CLCNKA: variants seen among roughly 807,000 people sequenced by gnomAD.
CLCNKA encodes the protein chloride voltage-gated channel Ka.
CLCNKA carries 66 observed loss-of-function variants against 83.3 expected under a neutral mutation model. That is an observed-to-expected ratio of 0.79 (90% CI 0.65 to 0.97). CLCNKA has a LOEUF of 0.97. Among genes scored for constraint, CLCNKA ranks in the 50% least tolerant of loss-of-function variants. CLCNKA has a pLI of 0.00. For synonymous variants in CLCNKA, 357 were observed against 370.4 expected, an observed-to-expected ratio of 0.96 and a Z score of 0.42; for missense variants, 806 against 888.7, an observed-to-expected ratio of 0.91 and a Z score of 1.18.
At chr1:16,022,949 G>A (rs1433643577) in intron 2 of CLCNKA, among the ~76,000 whole-genome samples, 1 of 152,218 alleles carries the variant, frequency 6.6e-6, no homozygotes, top group Non-Finnish European at 1.5e-5. Context: ...ACAGCCCAAG[G>A]CCTGGTCACT....
At chr1:16,031,651 G>A in intron 15 of CLCNKA, 59 bp from the exon 16 acceptor site, 1 of 1,612,518 alleles carries the variant, frequency 6.2e-7, no homozygotes, top group Non-Finnish European at 8.5e-7. Context: ...AGATCCCCTT[G>A]CTGGCCTGGG....
In CLCNKA at chr1:16,025,691, GA is replaced by G. The variant is rs1200673873; in HGVS notation, c.359-406del. 5.7e-3 allele frequency among the ~76,000 whole-genome samples: 835 copies of G among 146,512 alleles called. 2 individuals carry two copies. The highest frequency in any genetic ancestry group is 6.8e-3 in the Non-Finnish European group (451 of 66,166). ...AATAGGGTGATACCCTGTCTCAAAGGAAAAAAAAAAATCATAATGTGAAAAC... is the reference window on the plus strand; with the variant it reads ...AATAGGGTGATACCCTGTCTCAAAGGAAAAAAAAAATCATAATGTGAAAAC... On this transcript the variant is annotated intron_variant, in intron 4 of 19. Coordinates refer to ENST00000331433, the MANE Select transcript of CLCNKA (RefSeq NM_004070.4).
At chr1:16,033,299 C>A (rs772367613) in intron 19 of CLCNKA, 43 bp downstream of exon 19, 2 of 1,601,038 alleles carry the variant, frequency 1.2e-6, no homozygotes, top group African/African-American at 1.3e-5. Flanking sequence ...GGACCCATGC[C>A]TGAGAAGGCT....
Position 16,027,832 on chromosome 1 carries a change from T to C in CLCNKA, c.793T>C (p.Ser265Pro). The C allele has an allele frequency of 4.3e-6, 7 of 1,610,780 alleles. No homozygotes were observed. The highest frequency in any genetic ancestry group is 2.1e-4 in the Middle Eastern group (1 of 4,844). ...CCCTCCTTCCCCAGAGACCATCACC[T>C]CCCTCTACAAGACCAGTTTCCGGGT... ...VFNSEQETIT[S>P]LYKTSFRVDV... Residue 265 changes from serine (S) to proline (P), a missense_variant, in exon 9 of 20, where the codon TCC becomes CCC. Coordinates refer to ENST00000331433, the MANE Select transcript of CLCNKA (RefSeq NM_004070.4).
intron 15 of CLCNKA, 61 bp from the exon 16 acceptor site, chr1:16,031,648 CT>C: frequency 3.1e-6 from 5 of 1,612,192 alleles, no homozygotes; most frequent in Non-Finnish European, 4.2e-6. Flanking sequence ...CTCAGATCCC[CT>C]TGCTGGCCTG....
intron 1 of CLCNKA, 141 bp from the exon 2 acceptor site, chr1:16,022,472 C>A: frequency 1.7e-6 from 1 of 587,536 alleles, no homozygotes; most frequent in Non-Finnish European, 2.9e-6. Context: ...TGAGGGCACA[C>A]ACAGACCTAG....
At chr1:16,026,951 TG>T in intron 7 of CLCNKA, 176 bp downstream of exon 7, 1 of 822,150 alleles carries the variant, frequency 1.2e-6, no homozygotes, top group Non-Finnish European at 2.0e-6. Flanking sequence ...GGCGGGTGGT[TG>T]GGGGCGTGGT....
In CLCNKA at chr1:16,031,708, A is replaced by C; in HGVS notation, c.1623-2A>C. The C allele has an allele frequency of 6.2e-7, 1 of 1,613,616 alleles. No individual in the cohort carries two copies. Among genetic ancestry groups the C allele is most frequent in the Non-Finnish European group, 8.5e-7 (1 of 1,180,018 alleles). On this transcript the variant is annotated splice_acceptor_variant, in intron 15 of 19. Transcript: ENST00000331433. LOFTEE classifies it high-confidence loss of function. ...ACCTGATGGGAGCCCCTCTGCCTGC[A>C]GCTCCCACCATGTGAGGGTGGAGCA... is the stretch of plus-strand genomic sequence containing the variant.
In CLCNKA at chr1:16,022,625, G is replaced by A; in HGVS notation, c.6G>A (p.Glu2=). 1 of 1,564,410 alleles carries A rather than the reference G, an allele frequency of 6.4e-7. No individual in the cohort carries two copies. M[E]ELVGLREGFS... Reference sequence around the variant, plus strand: ...TCTGCTTCTCCAGGGGCCTGATGGAGGAGTTGGTGGGGCTGCGTGAGGGCT... The same window carrying A: ...TCTGCTTCTCCAGGGGCCTGATGGAAGAGTTGGTGGGGCTGCGTGAGGGCT... The change falls in exon 2 of 20, where the codon GAG becomes GAA. Residue 2 remains glutamate, a synonymous_variant. Transcript: ENST00000331433.
intron 1 of CLCNKA, among the ~76,000 whole-genome samples, 155 bp from the exon 2 acceptor site, chr1:16,022,458 G>A (rs775050405): frequency 6.6e-6 from 1 of 152,134 alleles, no homozygotes; most frequent in Non-Finnish European, 1.5e-5. Context: ...CGGAACCTCA[G>A]GGATGAGGGC....
At chr1:16,033,387 C>G in intron 19 of CLCNKA, 131 bp downstream of exon 19, 1 of 1,170,020 alleles carries the variant, frequency 8.5e-7, no homozygotes, top group South Asian at 1.4e-5. Flanking sequence ...TTATGAGTCC[C>G]TCTTTCTGGC....
At chr1:16,033,049 G>A in intron 18 of CLCNKA, 121 bp from the exon 19 acceptor site, 1 of 1,055,120 alleles carries the variant, frequency 9.5e-7, no homozygotes, top group Non-Finnish European at 1.5e-6. Context: ...GCCTGGGTCT[G>A]TTGCCTCCCA....
At position 16,032,479 on chromosome 1, in the gene CLCNKA, A is replaced by G. The variant is rs2124059059; in HGVS notation, c.1882A>G (p.Thr628Ala). The G allele has an allele frequency of 6.2e-7, 1 of 1,613,320 alleles. No individual in the cohort carries two copies. The highest frequency in any genetic ancestry group is 8.5e-7 in the Non-Finnish European group (1 of 1,179,960). The change falls in exon 18 of 20, where the codon ACG (threonine) becomes GCG (alanine). Residue 628 changes from threonine (T) to alanine (A), a missense_variant. Thr to Ala is a moderately conservative substitution (Grantham distance 58, BLOSUM62 0). Transcript: ENST00000331433. ...LQDILARGCP[T>A]EPVTLTLFSE... is the part of the protein sequence containing the mutation. Reference sequence around the variant, plus strand: ...GGACATCTTGGCCAGGGGCTGCCCCACGGAACCAGTGACCCTGACGCTATT... The same window carrying G: ...GGACATCTTGGCCAGGGGCTGCCCCGCGGAACCAGTGACCCTGACGCTATT...
Position 16,030,469 on chromosome 1 carries a change from G to A in CLCNKA, c.1417G>A (p.Ala473Thr). Residue 473 changes from alanine (A) to threonine (T), a missense_variant, in exon 15 of 20, where the codon GCC (alanine) becomes ACC (threonine). Ala to Thr is a moderately conservative substitution (Grantham distance 58). Transcript: ENST00000331433. ...PGGYALAGAA[A>T]FSGAVTHTIS... ...TGGCTCTGCCCCGGCAGGGGCTGCA[G>A]CCTTCTCAGGGGCTGTGACCCACAC... The A allele has an allele frequency of 6.2e-7, 1 of 1,612,702 alleles. No individual in the cohort carries two copies. Among genetic ancestry groups the A allele is most frequent in the Admixed American group, 1.7e-5 (1 of 60,026 alleles).
intron 7 of CLCNKA, 153 bp downstream of exon 7, chr1:16,026,928 G>A: frequency 9.9e-7 from 1 of 1,013,016 alleles, no homozygotes; most frequent in Non-Finnish European, 1.5e-6. Context: ...ACCCCCCGGG[G>A]GCGGCGGGGC....
chr1:16,027,065 G>C (rs1157617503), intron 7 of CLCNKA, among the ~76,000 whole-genome samples: 1 of 152,178 alleles, frequency 6.6e-6, no homozygotes, highest in African/African-American at 2.4e-5. Flanking sequence ...CTGTAAAATG[G>C]GGATCAAACC....
At position 16,032,280 on chromosome 1, in the gene CLCNKA, C is replaced by T; in HGVS notation, c.1834C>T (p.Pro612Ser). 6.2e-7 allele frequency: 1 copy of T among 1,611,680 alleles called. No individual in the cohort carries two copies. The highest frequency in any genetic ancestry group is 2.2e-5 in the East Asian group (1 of 44,860). The change falls in exon 17 of 20, where the codon CCA becomes TCA. Residue 612 changes from proline (P) to serine (S), a missense_variant. Pro to Ser is a moderately conservative substitution (Grantham distance 74, BLOSUM62 -1). Transcript: ENST00000331433. ...ALQAEPPSRA[P>S]GHQQCLQDIL... Reference sequence around the variant, plus strand: ...CCAGGCTGAGCCTCCTTCCAGGGCTCCAGGACACCAGGTGGTTACTCCTGA... The same window carrying T: ...CCAGGCTGAGCCTCCTTCCAGGGCTTCAGGACACCAGGTGGTTACTCCTGA...
At chr1:16,028,883 C>G (rs999938458) in intron 11 of CLCNKA, 38 bp downstream of exon 11, 2 of 1,605,928 alleles carry the variant, frequency 1.2e-6, no homozygotes, top group Non-Finnish European at 1.7e-6. Context: ...GAGTGGGAAC[C>G]CCCATTTGTT....
At chr1:16,032,164 CA>C in intron 16 of CLCNKA, 38 bp from the exon 17 acceptor site, 5 of 1,579,900 alleles carry the variant, frequency 3.2e-6, no homozygotes, top group Non-Finnish European at 4.3e-6. Flanking sequence ...CCTGTTTCTT[CA>C]TAATGCACCT....
Sources: allele counts gnomAD v4.1 joint callset (sites outside exome capture counted in the v4.1 genomes callset), GRCh38; gene constraint gnomAD v4.1.1; transcripts MANE v1.5; gene names NCBI Gene and HGNC (gene_info 2026-07-23, HGNC 2026-07-21).